FMN1: variants seen among roughly 807,000 people sequenced by gnomAD.
FMN1 encodes formin-1.
In FMN1, 110 loss-of-function variants were observed where a neutral mutation model predicts 132.4. The observed-to-expected ratio is 0.83, with a 90% CI of 0.71 to 0.97. FMN1 has a LOEUF of 0.97. FMN1 is among the 50% of genes least tolerant of loss of function. The pLI is 0.00. For synonymous variants in FMN1, 722 were observed against 651.7 expected, an observed-to-expected ratio of 1.11 and a Z score of -1.64; for missense variants, 1,792 against 1,705.3, an observed-to-expected ratio of 1.05 and a Z score of -0.90.
At chr15:32,810,977 T>A (rs1039109793) in intron 17 of FMN1, 1 of 456,158 alleles carries the variant, frequency 2.2e-6, no homozygotes, top group African/African-American at 2.0e-5. Flanking sequence ...GCGCTCTGCT[T>A]CACGTGGGAT....
chr15:33,145,530 T>C (rs1022189986), intron 4 of FMN1, among the ~76,000 whole-genome samples: 12 of 151,758 alleles, frequency 7.9e-5, no homozygotes, highest in South Asian at 4.2e-4. Flanking sequence ...TCTCCAGGCA[T>C]GAATCCATGG....
In FMN1 at chr15:33,154,614, G is replaced by C; in HGVS notation, c.301C>G (p.Leu101Val). Residue 101 changes from leucine (L) to valine (V), a missense_variant, in exon 4 of 21, where the codon CTC (leucine) becomes GTC (valine). Coordinates refer to ENST00000616417, the MANE Select transcript of FMN1 (RefSeq NM_001277313.2). ...TTERERLLTN[L>V]LSSDHILGIT... ...CCCAGGATGTGGTCTGAGCTCAGGA[G>C]ATTGGTTAGCAGTCTCTCCCTCTCT... 1 of 1,536,086 alleles carries C rather than the reference G, an allele frequency of 6.5e-7. No individual in the cohort carries two copies. The highest frequency in any genetic ancestry group is 8.7e-7 in the Non-Finnish European group (1 of 1,146,914).
At chr15:33,094,618 T>C (rs937021846) in intron 4 of FMN1, among the ~76,000 whole-genome samples, 4 of 152,236 alleles carry the variant, frequency 2.6e-5, no homozygotes, top group African/African-American at 9.6e-5. Context: ...ATGATACTCC[T>C]TCCCAGAAAG....
chr15:33,114,145 G>A (rs971167190), intron 4 of FMN1, among the ~76,000 whole-genome samples: 11 of 152,192 alleles, frequency 7.2e-5, no homozygotes, highest in African/African-American at 2.2e-4. Flanking sequence ...GGTCCTATAG[G>A]ACACTACTGC....
At chr15:33,108,264 C>CA (rs1217300976) in intron 4 of FMN1, among the ~76,000 whole-genome samples, 2 of 152,016 alleles carry the variant, frequency 1.3e-5, no homozygotes, top group Admixed American at 6.6e-5. Context: ...GAAACTCAAT[C>CA]AGACAACTAA....
intron 17 of FMN1, among the ~76,000 whole-genome samples, chr15:32,854,807 G>C (rs569006219): frequency 6.6e-6 from 1 of 152,160 alleles, no homozygotes; most frequent in South Asian, 2.1e-4. Context: ...CCAGCTACCT[G>C]GGAGGCTGAG....
chr15:32,777,612 A>ACATATAACACTTTATATATTACGTATAT (rs1462080231), intron 19 of FMN1, among the ~76,000 whole-genome samples: 1 of 127,920 alleles, frequency 7.8e-6, no homozygotes, highest in African/African-American at 3.6e-5. Context: ...ATTACGTATA[A>ACATATAACACTTTATATATTACGTATAT]CATAACACAT....
At chr15:32,781,938 TCA>T (rs1467630885) in intron 19 of FMN1, among the ~76,000 whole-genome samples, 1 of 152,236 alleles carries the variant, frequency 6.6e-6, no homozygotes, top group Non-Finnish European at 1.5e-5. Context: ...TGGCTTTTTC[TCA>T]CCTTTGCATC....
intron 6 of FMN1, among the ~76,000 whole-genome samples, chr15:33,045,545 T>C (rs1454361158): frequency 6.6e-6 from 1 of 152,214 alleles, no homozygotes; most frequent in Non-Finnish European, 1.5e-5. Flanking sequence ...CAGAGCTCCA[T>C]GGACTTATGT....
In FMN1 at chr15:32,898,030, A is replaced by G. The variant is rs150410030; in HGVS notation, c.3714+804T>C. On this transcript the variant is annotated intron_variant, in intron 15 of 20. Coordinates refer to ENST00000616417, the MANE Select transcript of FMN1 (RefSeq NM_001277313.2). ...CTGTAGGTATATTGAAAATAGTTAG[A>G]TAAGCCCACCAGGAGGGTAGAAGAA... is the stretch of plus-strand genomic sequence containing the variant. Among the ~76,000 whole-genome samples, 644 of 152,268 alleles carry G rather than the reference A, an allele frequency of 4.2e-3. 1 individual carries two copies. The highest frequency in any genetic ancestry group is 0.015 in the African/African-American group (612 of 41,568).
intron 16 of FMN1, among the ~76,000 whole-genome samples, chr15:32,885,608 T>G (rs1041118962): frequency 6.6e-6 from 1 of 152,206 alleles, no homozygotes; most frequent in African/African-American, 2.4e-5. Flanking sequence ...GATAAAGCAC[T>G]TGATAGATAA....
intron 4 of FMN1, among the ~76,000 whole-genome samples, chr15:33,103,135 T>C (rs893937725): frequency 6.6e-6 from 1 of 152,140 alleles, no homozygotes; most frequent in Non-Finnish European, 1.5e-5. Context: ...ATACATTACA[T>C]GAACAGTTTT....
chr15:33,017,426 C>G (rs2035118549), intron 6 of FMN1, among the ~76,000 whole-genome samples: 1 of 151,798 alleles, frequency 6.6e-6, no homozygotes, highest in Admixed American at 6.6e-5. Context: ...AGAGGGAACT[C>G]TACTTTCCGC....
chr15:32,937,018 G>T (rs139537514), intron 9 of FMN1, among the ~76,000 whole-genome samples: 1 of 152,100 alleles, frequency 6.6e-6, no homozygotes, highest in Non-Finnish European at 1.5e-5. Flanking sequence ...TCTCTTGGGC[G>T]GCCCTCTGAA....
At chr15:33,119,316 A>G (rs1595513839) in intron 4 of FMN1, among the ~76,000 whole-genome samples, 2 of 152,134 alleles carry the variant, frequency 1.3e-5, no homozygotes, top group Admixed American at 1.3e-4. Context: ...TGGACTGTCC[A>G]TATCTTGGGC....
At chr15:33,120,503 A>G (rs1458976956) in intron 4 of FMN1, among the ~76,000 whole-genome samples, 2 of 152,214 alleles carry the variant, frequency 1.3e-5, no homozygotes, top group Non-Finnish European at 2.9e-5. Context: ...TCCAGCAACA[A>G]GGAATTGTAT....
At chr15:32,780,420 C>G (rs2056625981) in intron 19 of FMN1, among the ~76,000 whole-genome samples, 1 of 152,182 alleles carries the variant, frequency 6.6e-6, no homozygotes, top group South Asian at 2.1e-4. Context: ...TTACAAATGT[C>G]ATGGCAATAG....
chr15:32,937,670 C>A (rs2061309540), intron 9 of FMN1, among the ~76,000 whole-genome samples: 1 of 152,182 alleles, frequency 6.6e-6, no homozygotes, highest in Non-Finnish European at 1.5e-5. Flanking sequence ...CACAAAGTGG[C>A]TCATATGGAC....
At chr15:33,017,197 GGGGGTTTT>G (rs1184930380) in intron 6 of FMN1, among the ~76,000 whole-genome samples, 1 of 151,992 alleles carries the variant, frequency 6.6e-6, no homozygotes, top group Admixed American at 6.5e-5. Context: ...TGGAGCGACA[GGGGGTTTT>G]TAGGACAGTG....
Sources: gnomAD v4.1 joint callset for allele counts (sites outside exome capture counted in the v4.1 genomes callset) on GRCh38, gnomAD v4.1.1 for gene constraint, MANE v1.5 for transcripts, NCBI Gene and HGNC (gene_info 2026-07-23, HGNC 2026-07-21) for gene names.